The following COL4A5 variants were observed in gnomAD, a reference collection of about 807,000 sequenced individuals.
COL4A5 encodes the protein collagen alpha-5(IV) chain.
In COL4A5, 26 loss-of-function variants were observed where a neutral mutation model predicts 130.2. The observed-to-expected ratio is 0.20, with a 90% CI of 0.15 to 0.28. The LOEUF (loss-of-function observed/expected upper bound fraction) is 0.28, where lower values mean the gene tolerates loss of function less well. Ranked by LOEUF, COL4A5 falls within the 10% of genes least tolerant of loss-of-function variation. COL4A5 has a pLI of 1.00. For missense variants in COL4A5, 1,131 were observed against 1,344.3 expected (o/e 0.84, Z 2.48); for synonymous variants, 496 against 439.6 (o/e 1.13, Z -1.60).
intron 1 of COL4A5, among the ~76,000 whole-genome samples, chrX:108,473,616 TATATATATATATATA>T: frequency 2.6e-5 from 1 of 38,175 alleles, no homozygotes; most frequent in African/African-American, 1.0e-4. Flanking sequence ...TATATATGTA[TATATATATATATATA>T]TATTTTTTTT....
At chrX:108,495,046 T>G (rs1185958451) in intron 1 of COL4A5, among the ~76,000 whole-genome samples, 3 of 111,575 alleles carry the variant, frequency 2.7e-5, no homozygotes, top group Admixed American at 9.5e-5. Context: ...GAAGGGAGAA[T>G]TAAGAAATAG....
chrX:108,643,745 A>G (rs2067515179), intron 36 of COL4A5, among the ~76,000 whole-genome samples: 2 of 112,215 alleles, frequency 1.8e-5, no homozygotes, highest in Non-Finnish European at 3.8e-5. Context: ...TCCTGGAAAC[A>G]CATAAAAACA....
chrX:108,483,288 A>AC (rs1047038261), intron 1 of COL4A5, among the ~76,000 whole-genome samples: 1 of 110,308 alleles, frequency 9.1e-6, no homozygotes, highest in Non-Finnish European at 1.9e-5. Flanking sequence ...GTACATGATC[A>AC]CAAGGTCCCA....
chrX:108,466,879 G>A (rs992167859), intron 1 of COL4A5, among the ~76,000 whole-genome samples: 2 of 111,092 alleles, frequency 1.8e-5, no homozygotes, highest in East Asian at 2.8e-4. Context: ...AAGTTGGGCC[G>A]TTTATCTTTT....
chrX:108,513,248 A>T (rs2065194407), intron 1 of COL4A5, among the ~76,000 whole-genome samples: 1 of 110,776 alleles, frequency 9.0e-6, no homozygotes, highest in African/African-American at 3.3e-5. Flanking sequence ...CAGTGAGCCG[A>T]GATCGTGCCA....
Position 108,668,384 on chromosome X carries a change from G to A in COL4A5, c.3670G>A (p.Glu1224Lys), listed in dbSNP as rs1290001124. The A allele has an allele frequency of 1.7e-6, 2 of 1,211,086 alleles. No individual in the cohort carries two copies. The highest frequency in any genetic ancestry group is 2.2e-6 in the Non-Finnish European group (2 of 895,147). The change falls in exon 41 of 53, where the codon GAA becomes AAA. Residue 1224 changes from glutamate (E) to lysine (K), a missense_variant. Transcript: ENST00000328300. ...TCCTGGCCTTCCAGGTCCAAAGGGC[G>A]AACCAGGCTTTCACGGTTTCCCTGG... Reference protein sequence around the residue: ...GNPGLPGPKGEPGFHGFPGVQ... With the variant: ...GNPGLPGPKGKPGFHGFPGVQ...
At position 108,665,533 on chromosome X, in the gene COL4A5, G is replaced by T. The variant is rs1302200961; in HGVS notation, c.3400G>T (p.Gly1134Cys). ...AACCCCAGGCCCTCCTGGACCAAAAGGTATTAGTGGCCCTCCTGGGAACCC... is the reference window on the plus strand; with the variant it reads ...AACCCCAGGCCCTCCTGGACCAAAATGTATTAGTGGCCCTCCTGGGAACCC... Reference protein sequence around the residue: ...PGTPGPPGPKGISGPPGNPGL... With the variant: ...PGTPGPPGPKCISGPPGNPGL... The change falls in exon 38 of 53, where the codon GGT (glycine) becomes TGT (cysteine). Residue 1134 changes from glycine (G) to cysteine (C), a missense_variant. Physicochemically the swap from Gly to Cys is radical, Grantham distance 159. Transcript: ENST00000328300. 1 of 1,209,097 alleles carries T rather than the reference G, an allele frequency of 8.3e-7. No homozygotes were observed. Among genetic ancestry groups the T allele is most frequent in the Admixed American group, 2.2e-5 (1 of 45,958 alleles).
At chrX:108,564,388 C>T (rs2065940803) in intron 4 of COL4A5, among the ~76,000 whole-genome samples, 1 of 111,293 alleles carries the variant, frequency 9.0e-6, no homozygotes, top group Admixed American at 9.6e-5. Flanking sequence ...TAGTTTAAAC[C>T]ACTGTATTAA....
intron 2 of COL4A5, among the ~76,000 whole-genome samples, chrX:108,544,653 T>A (rs1272581017): frequency 1.8e-5 from 2 of 111,554 alleles, no homozygotes; most frequent in African/African-American, 6.5e-5. Context: ...CCCTTTTTTT[T>A]TTATTGATTG....
chrX:108,506,874 T>C (rs1380434708), intron 1 of COL4A5, among the ~76,000 whole-genome samples: 1 of 110,635 alleles, frequency 9.0e-6, no homozygotes, highest in Non-Finnish European at 1.9e-5. Context: ...GCCTCCTGAG[T>C]AGCTGGGATT....
chrX:108,447,851 T>G, intron 1 of COL4A5, among the ~76,000 whole-genome samples: 1 of 112,180 alleles, frequency 8.9e-6, no homozygotes, highest in Non-Finnish European at 1.9e-5. Context: ...CTAATTAACA[T>G]TATAAATGAA....
At chrX:108,481,767 T>G (rs780521618) in intron 1 of COL4A5, among the ~76,000 whole-genome samples, 1 of 111,771 alleles carries the variant, frequency 8.9e-6, no homozygotes, top group African/African-American at 3.2e-5. Flanking sequence ...CACCATTAGA[T>G]CTGACATACA....
intron 7 of COL4A5, 87 bp from the exon 8 acceptor site, chrX:108,571,724 A>G (rs1336479450): frequency 4.1e-6 from 3 of 726,904 alleles, no homozygotes; most frequent in Middle Eastern, 3.0e-4. Flanking sequence ...CAGTCTACTC[A>G]TTTTATACTC....
At chrX:108,691,675 T>A (rs891437023) in intron 49 of COL4A5, among the ~76,000 whole-genome samples, 4 of 111,418 alleles carry the variant, frequency 3.6e-5, no homozygotes, top group African/African-American at 9.8e-5. Context: ...AATAAAAATA[T>A]GTTACATTAG....
chrX:108,677,402 G>A, intron 43 of COL4A5, 98 bp from the exon 44 acceptor site: 1 of 858,308 alleles, frequency 1.2e-6, no homozygotes, highest in Non-Finnish European at 1.6e-6. Flanking sequence ...GTTTTATTCT[G>A]CAAACTAATA....
intron 1 of COL4A5, among the ~76,000 whole-genome samples, chrX:108,454,094 A>C (rs2147476776): frequency 8.9e-6 from 1 of 112,242 alleles, no homozygotes; most frequent in South Asian, 3.7e-4. Context: ...GGTTTCTTCT[A>C]TATAGTTATC....
intron 8 of COL4A5, among the ~76,000 whole-genome samples, chrX:108,572,412 A>G (rs956638780): frequency 9.0e-6 from 1 of 111,513 alleles, no homozygotes; most frequent in Non-Finnish European, 1.9e-5. Context: ...TCCACCCACA[A>G]AATAAACCCG....
intron 1 of COL4A5, among the ~76,000 whole-genome samples, chrX:108,466,002 G>T: frequency 9.0e-6 from 1 of 111,444 alleles, no homozygotes; most frequent in East Asian, 2.8e-4. Flanking sequence ...TCATATAAAT[G>T]AAATAATACA....
chrX:108,544,373 G>T (rs2065606425), intron 2 of COL4A5, among the ~76,000 whole-genome samples: 1 of 112,258 alleles, frequency 8.9e-6, no homozygotes, highest in Admixed American at 9.4e-5. Flanking sequence ...TAATCATGTG[G>T]TTTTTGTCTT....
Sources: gnomAD v4.1 joint callset for allele counts (sites outside exome capture counted in the v4.1 genomes callset) on GRCh38, gnomAD v4.1.1 for gene constraint, MANE v1.5 for transcripts, NCBI Gene and HGNC (gene_info 2026-07-23, HGNC 2026-07-21) for gene names.